The following PIN4 variants were observed in gnomAD, a reference collection of about 807,000 sequenced individuals.
The protein encoded by PIN4 is peptidyl-prolyl cis-trans isomerase NIMA-interacting 4.
A neutral mutation model predicts 8.3 loss-of-function variants in PIN4; 3 were observed. The ratio of observed to expected loss-of-function variants is 0.36; its 90% CI spans 0.16 to 0.93. The LOEUF (loss-of-function observed/expected upper bound fraction) is 0.93, where lower values mean the gene tolerates loss of function less well. PIN4 is among the 40% of genes least tolerant of loss of function. The pLI is 0.44. For synonymous variants in PIN4, 18 were observed against 32.5 expected (o/e 0.55, Z 1.52); for missense variants, 75 against 100.6 (o/e 0.75, Z 1.09).
intron 3 of PIN4, among the ~76,000 whole-genome samples, chrX:72,257,717 G>A (rs1022083849): frequency 7.2e-5 from 8 of 111,786 alleles, no homozygotes; most frequent in African/African-American, 2.6e-4. Context: ...CAAGTTCATA[G>A]GGACTCGGGA....
intron 3 of PIN4, chrX:72,206,242 G>C (rs1408754751): frequency 8.3e-7 from 1 of 1,208,721 alleles, no homozygotes; most frequent in South Asian, 1.8e-5. Context: ...TTTTTGTACA[G>C]CTTCATTTTT....
chrX:72,220,616 C>G (rs1022884118), intron 3 of PIN4, among the ~76,000 whole-genome samples: 1 of 110,077 alleles, frequency 9.1e-6, no homozygotes, highest in African/African-American at 3.3e-5. Context: ...GAGATAACAC[C>G]CCTCTGGCCA....
intron 3 of PIN4, among the ~76,000 whole-genome samples, chrX:72,209,323 G>A (rs1602438178): frequency 8.9e-6 from 1 of 111,803 alleles, no homozygotes; most frequent in East Asian, 2.8e-4. Context: ...TGTCCCTCAA[G>A]CTCTACTCTA....
chrX:72,235,229 G>A (rs946034663), intron 3 of PIN4, among the ~76,000 whole-genome samples: 1 of 111,027 alleles, frequency 9.0e-6, no homozygotes, highest in Admixed American at 9.6e-5. Flanking sequence ...CCTTTCTGGA[G>A]GCTCTAGGGG....
At chrX:72,196,309 G>C (rs1196133408) in intron 2 of PIN4, among the ~76,000 whole-genome samples, 1 of 110,066 alleles carries the variant, frequency 9.1e-6, no homozygotes, top group Non-Finnish European at 1.9e-5. Flanking sequence ...GCCAAGGCGG[G>C]TGGATCACGA....
intron 3 of PIN4, among the ~76,000 whole-genome samples, chrX:72,233,921 C>A (rs1375103218): frequency 1.9e-4 from 21 of 107,930 alleles, no homozygotes; most frequent in Non-Finnish European, 3.6e-4. Context: ...TTGAGGCCAG[C>A]CTGGCCAACA....
intron 3 of PIN4, chrX:72,206,227 G>A (rs748360100): frequency 5.0e-6 from 6 of 1,210,019 alleles, no homozygotes; most frequent in Admixed American, 2.2e-5. Flanking sequence ...CTCTTGTAAT[G>A]TCTCTTTTTG....
At position 72,240,730 on chromosome X, in the gene PIN4, G is replaced by A. The variant is rs183341128; in HGVS notation, c.313-21977G>A. 4.2e-4 allele frequency among the ~76,000 whole-genome samples: 45 copies of A among 107,634 alleles called. 1 individual carries two copies. Among genetic ancestry groups the A allele is most frequent in the Admixed American group, 3.8e-3 (38 of 10,057 alleles). 93.5% of individuals were successfully genotyped at this position (107,634 alleles called of 115,157 possible). ...TGGAAGAATCGCTTGAACCCAGGAG[G>A]CAGACGTTGCAGTGAGCTGAGATCG... On this transcript the variant is annotated intron_variant, in intron 3 of 3. Transcript: ENST00000423432.
chrX:72,193,702 C>T (rs985669023), intron 2 of PIN4, among the ~76,000 whole-genome samples: 1 of 110,680 alleles, frequency 9.0e-6, no homozygotes, highest in African/African-American at 3.3e-5. Context: ...GAAACCCTGT[C>T]TCTACAAAAA....
intron 3 of PIN4, among the ~76,000 whole-genome samples, chrX:72,262,358 T>A (rs921634700): frequency 8.9e-6 from 1 of 112,307 alleles, no homozygotes; most frequent in African/African-American, 3.2e-5. Flanking sequence ...CCAAACCTCT[T>A]CAAAGCCAAA....
At chrX:72,206,795 C>T (rs771318389) in intron 3 of PIN4, 12 of 1,209,094 alleles carry the variant, frequency 9.9e-6, no homozygotes, top group African/African-American at 3.5e-5. Flanking sequence ...GCAATATGTT[C>T]ATCTAGTTTT....
intron 3 of PIN4, among the ~76,000 whole-genome samples, chrX:72,254,724 A>G (rs2043102267): frequency 8.9e-6 from 1 of 112,504 alleles, no homozygotes; most frequent in Non-Finnish European, 1.9e-5. Flanking sequence ...CTATTCGTGA[A>G]CTAAGCTCTC....
chrX:72,254,719 C>G (rs759756017), intron 3 of PIN4, among the ~76,000 whole-genome samples: 1 of 112,396 alleles, frequency 8.9e-6, no homozygotes, highest in Non-Finnish European at 1.9e-5. Context: ...CTGATCTATT[C>G]GTGAACTAAG....
intron 3 of PIN4, 58 bp downstream of exon 3, chrX:72,196,962 G>T: frequency 3.0e-6 from 3 of 991,145 alleles, no homozygotes; most frequent in Non-Finnish European, 4.1e-6. Flanking sequence ...AAGTAAAAAT[G>T]ACAAATAATA....
At chrX:72,258,340 G>A (rs2043122055) in intron 3 of PIN4, among the ~76,000 whole-genome samples, 1 of 111,986 alleles carries the variant, frequency 8.9e-6, no homozygotes, top group African/African-American at 3.2e-5. Context: ...GAGTTACTGA[G>A]GTTTGTGTTT....
chrX:72,213,325 C>G (rs1000976185), intron 3 of PIN4, among the ~76,000 whole-genome samples: 1 of 111,823 alleles, frequency 8.9e-6, no homozygotes, highest in African/African-American at 3.3e-5. Flanking sequence ...AGGCTAAAAG[C>G]AGGAGGTAAA....
rs924079210 is a variant in PIN4, at chrX:72,228,363, T to A, written c.312+31459T>A. Among the ~76,000 whole-genome samples the A allele has an allele frequency of 9.0e-5, 10 of 111,690 alleles. No individual in the cohort carries two copies. The Admixed American group carries it at 9.5e-4, about 11-fold the overall frequency. On this transcript the variant is annotated intron_variant, in intron 3 of 3. Coordinates refer to the PIN4 transcript ENST00000423432. ...GGACCTTACCAAATCATTCTTACCA[T>A]ACCCACAGCAGCAAAACTCCAGGGA...
chrX:72,199,981 C>T (rs1044415797), downstream of PIN4, among the ~76,000 whole-genome samples: 2 of 111,204 alleles, frequency 1.8e-5, no homozygotes, highest in African/African-American at 3.3e-5. Context: ...GCCTGGCCAT[C>T]GTGGTAGAAT....
At chrX:72,206,637 G>A (rs755940524) in intron 3 of PIN4, 11 of 1,209,387 alleles carry the variant, frequency 9.1e-6, no homozygotes, top group South Asian at 5.3e-5. Flanking sequence ...TTTGAGACTC[G>A]AATTCAACGA....
Sources: gnomAD v4.1 joint callset for allele counts (sites outside exome capture counted in the v4.1 genomes callset) on GRCh38, gnomAD v4.1.1 for gene constraint, MANE v1.5 for transcripts, NCBI Gene and HGNC (gene_info 2026-07-23, HGNC 2026-07-21) for gene names.